The following SCD5 variants were observed in gnomAD, a reference collection of about 807,000 sequenced individuals.
SCD5 encodes stearoyl-CoA desaturase 5.
In SCD5, 20 loss-of-function variants were observed where a neutral mutation model predicts 30.4. The observed-to-expected ratio is 0.66, with a 90% CI of 0.46 to 0.96. SCD5 has a LOEUF of 0.96. Ranked by LOEUF, SCD5 falls within the 40% of genes least tolerant of loss-of-function variation. The pLI, the probability that SCD5 is intolerant of heterozygous loss-of-function variation, is 0.00. For missense variants in SCD5, 381 were observed against 443.3 expected, an observed-to-expected ratio of 0.86 and a Z score of 1.26; for synonymous variants, 173 against 176.4, an observed-to-expected ratio of 0.98 and a Z score of 0.16.
intron 2 of SCD5, among the ~76,000 whole-genome samples, chr4:82,687,547 T>G (rs759686151): frequency 1.3e-5 from 2 of 152,212 alleles, no homozygotes; most frequent in African/African-American, 2.4e-5. Context: ...TCATCCTTCT[T>G]CTATCTTTAT....
chr4:82,648,053 C>A (rs1189258722), intron 3 of SCD5, among the ~76,000 whole-genome samples: 2 of 152,190 alleles, frequency 1.3e-5, no homozygotes, highest in Non-Finnish European at 2.9e-5. Context: ...AGCTCAAGTC[C>A]ACGAAAAGAG....
At chr4:82,737,551 C>T (rs1313671036) in intron 1 of SCD5, among the ~76,000 whole-genome samples, 4 of 152,110 alleles carry the variant, frequency 2.6e-5, no homozygotes, top group African/African-American at 4.8e-5. Flanking sequence ...ACACTGTAAT[C>T]CCCTCATAAA....
chr4:82,715,592 T>A (rs1210172494), intron 1 of SCD5, among the ~76,000 whole-genome samples: 3 of 151,744 alleles, frequency 2.0e-5, no homozygotes, highest in Non-Finnish European at 2.9e-5. Flanking sequence ...GTATCATAAT[T>A]TTCTGAGGAG....
chr4:82,784,629 C>G (rs1721948393), intron 1 of SCD5, among the ~76,000 whole-genome samples: 1 of 152,192 alleles, frequency 6.6e-6, no homozygotes, highest in Non-Finnish European at 1.5e-5. Context: ...AGAATTTAGA[C>G]AGTGCTGTAA....
intron 3 of SCD5, among the ~76,000 whole-genome samples, chr4:82,655,806 C>T (rs1395396748): frequency 1.3e-5 from 2 of 152,198 alleles, no homozygotes; most frequent in Non-Finnish European, 2.9e-5. Context: ...ACCCTCTGGG[C>T]CTACATTTTG....
intron 1 of SCD5, among the ~76,000 whole-genome samples, chr4:82,798,027 G>C (rs1248634696): frequency 1.2e-4 from 18 of 149,640 alleles, no homozygotes; most frequent in African/African-American, 4.2e-4. Context: ...GTCCCCCCCG[G>C]CTCTCCATCG....
Position 82,636,630 on chromosome 4 carries a change from T to C in SCD5, c.763A>G (p.Ser255Gly), listed in dbSNP as rs1560520521. The C allele has an allele frequency of 6.2e-7, 1 of 1,614,182 alleles. No individual in the cohort carries two copies. Among genetic ancestry groups the C allele is most frequent in the Non-Finnish European group, 8.5e-7 (1 of 1,180,038 alleles). The part of the protein sequence containing the change: ...YGNRPYDKHI[S>G]PRQNPLVALG... ...GCGACGAGTGGGTTCTGCCGAGGGC[T>C]GATGTGCTTGTCATAGGGCCGGTTT... The change falls in exon 4 of 5, where the codon AGC becomes GGC. Residue 255 changes from serine (S) to glycine (G), a missense_variant. Ser to Gly is a moderately conservative substitution (Grantham distance 56). Coordinates refer to ENST00000319540, the MANE Select transcript of SCD5 (RefSeq NM_001037582.3).
At chr4:82,709,238 T>C (rs889824234) in intron 1 of SCD5, among the ~76,000 whole-genome samples, 1 of 152,160 alleles carries the variant, frequency 6.6e-6, no homozygotes, top group Non-Finnish European at 1.5e-5. Context: ...CCTTCCAAGT[T>C]ACTCCCTTGC....
chr4:82,797,339 C>G (rs534673599), intron 1 of SCD5, among the ~76,000 whole-genome samples: 1 of 152,334 alleles, frequency 6.6e-6, no homozygotes, highest in African/African-American at 2.4e-5. Flanking sequence ...ATGCCTGTGC[C>G]TTTTGTCCTG....
intron 3 of SCD5, among the ~76,000 whole-genome samples, chr4:82,651,003 A>C (rs1170380885): frequency 6.6e-6 from 1 of 152,186 alleles, no homozygotes; most frequent in Non-Finnish European, 1.5e-5. Context: ...GAAGAATGAC[A>C]CTGTGTGGTA....
At chr4:82,748,491 A>G (rs550061740) in intron 1 of SCD5, among the ~76,000 whole-genome samples, 3 of 152,324 alleles carry the variant, frequency 2.0e-5, no homozygotes, top group Middle Eastern at 3.4e-3. Flanking sequence ...TAAATAATCA[A>G]TGGGCAATGG....
intron 1 of SCD5, among the ~76,000 whole-genome samples, chr4:82,784,590 T>C (rs1353225974): frequency 6.6e-6 from 1 of 152,224 alleles, no homozygotes. Context: ...CAAAAGGAGT[T>C]TCTATTCAGA....
intron 1 of SCD5, among the ~76,000 whole-genome samples, chr4:82,712,287 T>TAC (rs1720121880): frequency 6.4e-5 from 3 of 46,524 alleles, no homozygotes; most frequent in African/African-American, 2.4e-4. Flanking sequence ...TATATATATA[T>TAC]ATATATATAT....
In SCD5 at chr4:82,685,906, T is replaced by C. The variant is rs1243826348; in HGVS notation, c.364-4994A>G. ...TACCAAGTCTTAGAGATTTTTCACT[T>C]GTAGCACACCTCCAGGGGCTTGCCG... is the stretch of plus-strand genomic sequence containing the variant. On this transcript the variant is annotated intron_variant, in intron 2 of 4. Transcript: ENST00000319540. 2.6e-5 allele frequency among the ~76,000 whole-genome samples: 4 copies of C among 152,286 alleles called. No homozygotes were observed. In the East Asian group the frequency reaches 7.7e-4, roughly 29 times the overall value.
At chr4:82,720,441 T>TAAAAAAAAAAAAAA (rs1553917690) in intron 1 of SCD5, among the ~76,000 whole-genome samples, 1 of 77,938 alleles carries the variant, frequency 1.3e-5, no homozygotes, top group Non-Finnish European at 2.4e-5. Flanking sequence ...AAGGCAAAAA[T>TAAAAAAAAAAAAAA]AAAAAAAAAA....
chr4:82,688,262 A>T (rs6834939), intron 2 of SCD5, among the ~76,000 whole-genome samples: 1 of 152,050 alleles, frequency 6.6e-6, no homozygotes, highest in Non-Finnish European at 1.5e-5. Flanking sequence ...TTAGAGTAGA[A>T]AATATGCGTG....
chr4:82,692,266 G>T, intron 2 of SCD5: 1 of 154,070 alleles, frequency 6.5e-6, no homozygotes, highest in South Asian at 1.8e-4. Flanking sequence ...CTGAGGACAT[G>T]AGCATCCAGA....
At chr4:82,656,585 G>A (rs570615858) in intron 3 of SCD5, among the ~76,000 whole-genome samples, 1 of 152,328 alleles carries the variant, frequency 6.6e-6, no homozygotes, top group African/African-American at 2.4e-5. Context: ...CTTTATAGTA[G>A]AATGATTTAT....
intron 1 of SCD5, among the ~76,000 whole-genome samples, chr4:82,718,604 A>C (rs991776725): frequency 6.6e-6 from 1 of 151,812 alleles, no homozygotes; most frequent in African/African-American, 2.4e-5. Flanking sequence ...TGTTGTTATC[A>C]CAATGTTTCT....
Sources: gnomAD v4.1 joint callset for allele counts (sites outside exome capture counted in the v4.1 genomes callset) on GRCh38, gnomAD v4.1.1 for gene constraint, MANE v1.5 for transcripts, NCBI Gene and HGNC (gene_info 2026-07-23, HGNC 2026-07-21) for gene names.